The following SYTL5 variants were observed in gnomAD, a reference collection of about 807,000 sequenced individuals.
The protein encoded by SYTL5 is synaptotagmin-like protein 5.
SYTL5 carries 34 observed loss-of-function variants against 55.9 expected under a neutral mutation model. The observed-to-expected ratio is 0.61, with a 90% confidence interval of 0.46 to 0.81. SYTL5 has a LOEUF of 0.81. SYTL5 is among the 30% of genes least tolerant of loss of function. The probability of loss-of-function intolerance (pLI) is 0.00; values close to 1 mark genes in which losing one functional copy is unlikely to be tolerated. For missense variants in SYTL5, 637 were observed against 546.7 expected (o/e 1.17, Z -1.65); for synonymous variants, 221 against 188.7 (o/e 1.17, Z -1.40).
Position 38,096,220 on chromosome X carries a change from G to T in SYTL5, c.1048G>T (p.Gly350Trp), listed in dbSNP as rs2147544630. ...TVSIRSKSVPGALDKDSLEET... is the reference protein window; with the variant it reads ...TVSIRSKSVPWALDKDSLEET... ...AAGCATAAGAAGCAAGTCTGTCCCT[G>T]GGGCTTTAGACAAGGTAAGTTGGAT... Residue 350 changes from glycine to tryptophan, a missense_variant, in exon 9 of 17, where the codon GGG (glycine) becomes TGG (tryptophan). Physicochemically the swap from Gly to Trp is radical, Grantham distance 184 (BLOSUM62 -2). Coordinates refer to ENST00000297875, the MANE Select transcript of SYTL5 (RefSeq NM_138780.3). 8.6e-7 allele frequency: 1 copy of T among 1,161,562 alleles called. No homozygotes were observed. Among genetic ancestry groups the T allele is most frequent in the Non-Finnish European group, 1.2e-6 (1 of 853,832 alleles).
rs190353831 is a variant in SYTL5 at position 38,046,564 on chromosome X, A to G, written c.120-7649A>G. Reference sequence around the variant, plus strand: ...CCCACAACACATGGGAATTATGGGAACTACAATTCAAGATGAAACTTGGGT... The same window carrying G: ...CCCACAACACATGGGAATTATGGGAGCTACAATTCAAGATGAAACTTGGGT... On this transcript the variant is annotated intron_variant, in intron 2 of 16. Coordinates refer to ENST00000297875, the MANE Select transcript of SYTL5 (RefSeq NM_138780.3). 5.4e-5 allele frequency among the ~76,000 whole-genome samples: 6 copies of G among 112,094 alleles called. No homozygotes were observed. The Admixed American group carries it at 5.7e-4, about 11-fold the overall frequency.
At chrX:37,895,445 C>CTTCCTTCT in the SYTL5 span, among the ~76,000 whole-genome samples, 3 of 94,764 alleles carry the variant, frequency 3.2e-5, no homozygotes, top group African/African-American at 1.5e-4. Flanking sequence ...TCCTTCCTTC[C>CTTCCTTCT]TTCCTTCCTT....
chrX:38,070,963 A>G (rs1936246202), intron 3 of SYTL5, among the ~76,000 whole-genome samples: 1 of 111,583 alleles, frequency 9.0e-6, no homozygotes. Flanking sequence ...ATGGTGAACA[A>G]CACAGCCAAG....
chrX:37,964,711 A>G, the SYTL5 span, among the ~76,000 whole-genome samples: 1 of 111,441 alleles, frequency 9.0e-6, no homozygotes, highest in Non-Finnish European at 1.9e-5. Flanking sequence ...CAGTGAAGAC[A>G]TCTGGTCCTG....
chrX:38,088,462 C>A (rs191117805), intron 6 of SYTL5, among the ~76,000 whole-genome samples: 2 of 111,583 alleles, frequency 1.8e-5, no homozygotes, highest in East Asian at 5.6e-4. Flanking sequence ...TTTGTGCCCA[C>A]TGAGGGAAAA....
chrX:38,079,364 A>C (rs1450766002), intron 6 of SYTL5, among the ~76,000 whole-genome samples: 1 of 112,227 alleles, frequency 8.9e-6, no homozygotes, highest in South Asian at 3.7e-4. Flanking sequence ...AAGCAAGGGA[A>C]AGTATGAATA....
the SYTL5 span, among the ~76,000 whole-genome samples, chrX:37,962,035 G>A: frequency 9.0e-6 from 1 of 110,889 alleles, no homozygotes; most frequent in African/African-American, 3.3e-5. Context: ...AAGAATAATT[G>A]AAATGATTTG....
At chrX:37,955,753 G>T in the SYTL5 span, among the ~76,000 whole-genome samples, 1 of 111,453 alleles carries the variant, frequency 9.0e-6, no homozygotes, top group African/African-American at 3.3e-5. Context: ...CCTACCTCAG[G>T]ATTCAAGTTC....
the SYTL5 span, among the ~76,000 whole-genome samples, chrX:37,983,635 C>A: frequency 1.8e-5 from 2 of 112,003 alleles, no homozygotes; most frequent in African/African-American, 3.2e-5. Flanking sequence ...CACCACAAAC[C>A]AACTAGACCT....
At chrX:37,950,585 A>G in the SYTL5 span, among the ~76,000 whole-genome samples, 1 of 111,446 alleles carries the variant, frequency 9.0e-6, no homozygotes, top group African/African-American at 3.2e-5. Flanking sequence ...GAAGTATGCA[A>G]TGCTTTCCTA....
chrX:38,081,979 G>A (rs1030954591), intron 6 of SYTL5, among the ~76,000 whole-genome samples: 3 of 111,704 alleles, frequency 2.7e-5, no homozygotes, highest in South Asian at 3.8e-4. Context: ...GACACTGAGA[G>A]TCTGCTACAA....
At chrX:37,908,313 G>A in the SYTL5 span, among the ~76,000 whole-genome samples, 1 of 111,331 alleles carries the variant, frequency 9.0e-6, no homozygotes, top group Non-Finnish European at 1.9e-5. Context: ...AAAGGTCAGA[G>A]TATTTTTCCT....
At chrX:37,911,728 C>T in the SYTL5 span, among the ~76,000 whole-genome samples, 7 of 111,025 alleles carry the variant, frequency 6.3e-5, no homozygotes, top group Admixed American at 9.6e-5. Flanking sequence ...AGAATTAAAT[C>T]GGTAAAATTC....
At chrX:38,063,972 G>A (rs765136008) in intron 3 of SYTL5, among the ~76,000 whole-genome samples, 1 of 110,751 alleles carries the variant, frequency 9.0e-6, no homozygotes, top group South Asian at 3.9e-4. Context: ...CAAGTGGTGG[G>A]ATTTTTAATC....
In SYTL5 at chrX:38,126,578, G is replaced by A. The variant is rs750746773; in HGVS notation, c.2051-10G>A. On this transcript the variant is annotated splice_polypyrimidine_tract_variant and intron_variant, in intron 16 of 16. Coordinates refer to ENST00000297875, the MANE Select transcript of SYTL5 (RefSeq NM_138780.3). ...GTGTGACATAAAATTTTCCCGTTTC[G>A]CCTCTTCAGGTGTGAGCCATGGGAA... 23 of 1,207,980 alleles carry A rather than the reference G, an allele frequency of 1.9e-5. No homozygotes were observed. The highest frequency in any genetic ancestry group is 1.5e-4 in the Admixed American group (7 of 45,520).
upstream of SYTL5, among the ~76,000 whole-genome samples, chrX:38,005,750 C>T (rs758936481): frequency 9.0e-6 from 1 of 111,676 alleles, no homozygotes; most frequent in South Asian, 3.8e-4. Flanking sequence ...AGTTTTTTAA[C>T]ATAAGAAAGT....
chrX:38,060,131 GA>G (rs1262782794), intron 3 of SYTL5, among the ~76,000 whole-genome samples: 2 of 111,188 alleles, frequency 1.8e-5, no homozygotes, highest in African/African-American at 6.5e-5. Flanking sequence ...GGTAATTACT[GA>G]GGTATACTTT....
intron 13 of SYTL5, among the ~76,000 whole-genome samples, chrX:38,116,418 A>G (rs1486360199): frequency 3.6e-5 from 4 of 112,308 alleles, no homozygotes; most frequent in African/African-American, 1.3e-4. Context: ...ATATAGAGGC[A>G]ATTAATTTTG....
At position 38,128,248 on chromosome X, in the gene SYTL5, T is replaced by G. The variant is rs1304344897; in HGVS notation, c.*1518T>G. 3 of 112,397 alleles carry G rather than the reference T, an allele frequency of 2.7e-5. No individual in the cohort carries two copies. The Admixed American group carries it at 2.8e-4, about 11-fold the overall frequency. 9.3% of individuals were successfully genotyped at this position (112,397 alleles called of 1,213,427 possible). On this transcript the variant is annotated 3_prime_UTR_variant, in exon 17 of 17. Coordinates refer to ENST00000297875, the MANE Select transcript of SYTL5 (RefSeq NM_138780.3). ...GCCATATAGAGGCTGTGACTAAATC[T>G]GGACTTAAATCCAGACTATCAATCT... is the stretch of plus-strand genomic sequence containing the variant.
Sources: gnomAD v4.1 joint callset for allele counts (sites outside exome capture counted in the v4.1 genomes callset) on GRCh38, gnomAD v4.1.1 for gene constraint, MANE v1.5 for transcripts, NCBI Gene and HGNC (gene_info 2026-07-23, HGNC 2026-07-21) for gene names.